ACSL4: variants seen among roughly 807,000 people sequenced by gnomAD.
The protein encoded by ACSL4 is acyl-CoA synthetase long chain family member 4.
Under a neutral mutation model 49.1 loss-of-function variants are expected in ACSL4, and 9 were observed. The ratio of observed to expected loss-of-function variants is 0.18; its 90% confidence interval spans 0.11 to 0.32. The LOEUF (loss-of-function observed/expected upper bound fraction) is 0.32, where lower values mean the gene tolerates loss of function less well. Among genes scored for constraint, ACSL4 ranks in the 10% least tolerant of loss-of-function variants. ACSL4 has a pLI of 1.00. For synonymous variants in ACSL4, 191 were observed against 170.3 expected, an observed-to-expected ratio of 1.12 and a Z score of -0.95; for missense variants, 333 against 493.7, an observed-to-expected ratio of 0.67 and a Z score of 3.08.
At chrX:109,697,043 T>TA (rs780168944) in intron 1 of ACSL4, among the ~76,000 whole-genome samples, 1 of 107,827 alleles carries the variant, frequency 9.3e-6, no homozygotes, top group Non-Finnish European at 1.9e-5. Context: ...AGACCCTGTC[T>TA]AAAAAAACAA....
intron 1 of ACSL4, among the ~76,000 whole-genome samples, chrX:109,726,198 T>C (rs1927977396): frequency 8.9e-6 from 1 of 112,162 alleles, no homozygotes; most frequent in African/African-American, 3.2e-5. Flanking sequence ...GGCAAGTGGA[T>C]CACCTGAGGT....
At chrX:109,645,004 C>A (rs749144674) in intron 15 of ACSL4, among the ~76,000 whole-genome samples, 2 of 113,040 alleles carry the variant, frequency 1.8e-5, no homozygotes, top group Admixed American at 9.2e-5. Context: ...TAGCCCGCAC[C>A]TGGCTCGGAG....
intron 9 of ACSL4, 67 bp downstream of exon 9, chrX:109,674,335 G>T (rs369628918): frequency 3.3e-6 from 3 of 917,803 alleles, no homozygotes; most frequent in African/African-American, 1.9e-5. Flanking sequence ...CTTTTTAAAA[G>T]GTCCAAGTAC....
intron 1 of ACSL4, among the ~76,000 whole-genome samples, chrX:109,732,306 A>T (rs1024258833): frequency 8.9e-6 from 1 of 111,845 alleles, no homozygotes; most frequent in African/African-American, 3.3e-5. Flanking sequence ...ATGCCTTTGA[A>T]GGAGGAGATG....
chrX:109,697,866 A>G (rs982344054), intron 1 of ACSL4, among the ~76,000 whole-genome samples: 1 of 110,813 alleles, frequency 9.0e-6, no homozygotes, highest in Non-Finnish European at 1.9e-5. Flanking sequence ...TGACCAAAAA[A>G]AAAAACCCAT....
At chrX:109,696,456 A>G (rs1162786661) in intron 1 of ACSL4, among the ~76,000 whole-genome samples, 1 of 112,106 alleles carries the variant, frequency 8.9e-6, no homozygotes, top group Non-Finnish European at 1.9e-5. Flanking sequence ...CATGTTCTTA[A>G]CTGTTTTATT....
chrX:109,704,190 T>C (rs186186059), intron 1 of ACSL4, among the ~76,000 whole-genome samples: 73 of 111,726 alleles, frequency 6.5e-4, no homozygotes, highest in African/African-American at 2.3e-3. Context: ...TGCATATCCA[T>C]GACAACAGTC....
At chrX:109,726,857 TTTGTTG>T (rs745771367) in intron 1 of ACSL4, among the ~76,000 whole-genome samples, 87 of 108,832 alleles carry the variant, frequency 8.0e-4, no homozygotes, top group African/African-American at 2.7e-3. Flanking sequence ...TTTGTTGTTT[TTTGTTG>T]TTGTTGTTGT....
At chrX:109,710,649 A>T (rs1926684580) in intron 1 of ACSL4, among the ~76,000 whole-genome samples, 1 of 112,485 alleles carries the variant, frequency 8.9e-6, no homozygotes, top group South Asian at 3.6e-4. Context: ...TTGTGACTTT[A>T]AAAAAGTATA....
chrX:109,653,927 C>T (rs2147374476), intron 15 of ACSL4, among the ~76,000 whole-genome samples: 1 of 108,617 alleles, frequency 9.2e-6, no homozygotes, highest in South Asian at 4.0e-4. Flanking sequence ...GCACATTGTG[C>T]ACATGTACCC....
At chrX:109,707,945 G>A (rs1268941081) in intron 1 of ACSL4, among the ~76,000 whole-genome samples, 2 of 111,474 alleles carry the variant, frequency 1.8e-5, no homozygotes, top group Non-Finnish European at 3.8e-5. Context: ...AGAATTACAG[G>A]TGATTTTTTT....
chrX:109,668,283 G>A lies in ACSL4; in HGVS notation c.1143-10C>T, dbSNP rs752555700. On this transcript the variant is annotated splice_polypyrimidine_tract_variant and intron_variant, in intron 10 of 15. Coordinates refer to ENST00000672401, the MANE Select transcript of ACSL4 (RefSeq NM_001318510.2). ...CTTTTTAAACAGTAACCTTAATAAA[G>A]GGAGGATAAATGATTTTAATGTACG... 6.7e-6 allele frequency: 8 copies of A among 1,186,826 alleles called. No homozygotes were observed. Among genetic ancestry groups the A allele is most frequent in the Non-Finnish European group, 8.0e-6 (7 of 877,229 alleles).
At chrX:109,664,397 C>T (rs910951967) in intron 12 of ACSL4, among the ~76,000 whole-genome samples, 1 of 111,629 alleles carries the variant, frequency 9.0e-6, no homozygotes, top group African/African-American at 3.3e-5. Context: ...TAAAATAATT[C>T]TGATGTTGAT....
At chrX:109,649,524 T>C (rs1934915899) in intron 15 of ACSL4, among the ~76,000 whole-genome samples, 1 of 111,533 alleles carries the variant, frequency 9.0e-6, no homozygotes, top group African/African-American at 3.3e-5. Flanking sequence ...CAAAAATCAA[T>C]TCAAAATGGA....
At chrX:109,686,896 G>C (rs1924657355) in intron 2 of ACSL4, among the ~76,000 whole-genome samples, 1 of 111,115 alleles carries the variant, frequency 9.0e-6, no homozygotes, top group Non-Finnish European at 1.9e-5. Flanking sequence ...CAGGTAGTGA[G>C]GGGGTCATGG....
At position 109,716,786 on chromosome X, in the gene ACSL4, A is replaced by G. The variant is rs1438896281; in HGVS notation, c.-66+16353T>C. Reference sequence around the variant, plus strand: ...AGCAGGAGTCTTTTTTCCCATCTCAATGAAATACTATTTAAGGAAGGAGAG... The same window carrying G: ...AGCAGGAGTCTTTTTTCCCATCTCAGTGAAATACTATTTAAGGAAGGAGAG... On this transcript the variant is annotated intron_variant, in intron 1 of 15. Transcript: ENST00000672401. 3.6e-5 allele frequency among the ~76,000 whole-genome samples: 4 copies of G among 112,248 alleles called. No homozygotes were observed. The Admixed American group carries it at 3.8e-4, about 11-fold the overall frequency.
chrX:109,660,032 A>C (rs1452822865), intron 14 of ACSL4, among the ~76,000 whole-genome samples: 1 of 111,012 alleles, frequency 9.0e-6, no homozygotes, highest in African/African-American at 3.3e-5. Context: ...TAGATTTGGC[A>C]ATATTTCTTG....
intron 1 of ACSL4, among the ~76,000 whole-genome samples, chrX:109,732,757 G>A (rs1928572308): frequency 9.0e-6 from 1 of 111,522 alleles, no homozygotes; most frequent in African/African-American, 3.3e-5. Context: ...GCACCCTAAA[G>A]GTCGTTTGGA....
chrX:109,686,399 T>G, intron 2 of ACSL4, among the ~76,000 whole-genome samples: 1 of 112,277 alleles, frequency 8.9e-6, no homozygotes, highest in Non-Finnish European at 1.9e-5. Flanking sequence ...GATTTCTTAC[T>G]GGTAATATAA....
Sources: allele counts gnomAD v4.1 joint callset (sites outside exome capture counted in the v4.1 genomes callset), GRCh38; gene constraint gnomAD v4.1.1; transcripts MANE v1.5; gene names NCBI Gene and HGNC (gene_info 2026-07-23, HGNC 2026-07-21).